KCNIP1: variants seen among roughly 807,000 people sequenced by gnomAD.
KCNIP1 encodes the protein A-type potassium channel modulatory protein KCNIP1.
KCNIP1 carries 18 observed loss-of-function variants against 33.0 expected under a neutral mutation model. The ratio of observed to expected loss-of-function variants is 0.55; its 90% confidence interval spans 0.38 to 0.81. KCNIP1 has a LOEUF of 0.81. Among genes scored for constraint, KCNIP1 ranks in the 30% least tolerant of loss-of-function variants. The pLI is 0.00. For synonymous variants in KCNIP1, 93 were observed against 98.3 expected (o/e 0.95, Z 0.32); for missense variants, 238 against 271.6 (o/e 0.88, Z 0.87).
intron 1 of KCNIP1, among the ~76,000 whole-genome samples, chr5:170,439,294 A>G (rs1040709851): frequency 1.2e-4 from 19 of 152,308 alleles, no homozygotes; most frequent in African/African-American, 4.3e-4. Flanking sequence ...CCAGATGCAA[A>G]TAAGAAGGAA....
intron 1 of KCNIP1, among the ~76,000 whole-genome samples, chr5:170,587,421 C>CAAAAAAAAAAAAAAAAAAAAA (rs56358014): frequency 2.4e-4 from 17 of 70,336 alleles, no homozygotes; most frequent in Non-Finnish European, 4.4e-4. Context: ...GACTCTGTCT[C>CAAAAAAAAAAAAAAAAAAAAA]AAAAAAAAAA....
Position 170,480,284 on chromosome 5 carries a change from G to A in KCNIP1, c.88+126320G>A, listed in dbSNP as rs56107344. Among the ~76,000 whole-genome samples the A allele has an allele frequency of 3.3e-3, 503 of 152,274 alleles. 3 individuals are homozygous for A. The highest frequency in any genetic ancestry group is 0.012 in the African/African-American group (479 of 41,562). ...ATACAAATTTCTTTCAGAACCAAAAGAAAAATAATCTCAGGCCAGCCAGCT... is the reference window on the plus strand; with the variant it reads ...ATACAAATTTCTTTCAGAACCAAAAAAAAAATAATCTCAGGCCAGCCAGCT... On this transcript the variant is annotated intron_variant, in intron 1 of 7. Transcript: ENST00000377360.
At chr5:170,476,002 C>T (rs1167626963) in intron 1 of KCNIP1, among the ~76,000 whole-genome samples, 1 of 151,310 alleles carries the variant, frequency 6.6e-6, no homozygotes, top group Non-Finnish European at 1.5e-5. Flanking sequence ...CAGGGTCTCA[C>T]TCTGTCACCC....
intron 1 of KCNIP1, among the ~76,000 whole-genome samples, chr5:170,444,555 C>T (rs1011521101): frequency 3.3e-5 from 5 of 152,092 alleles, no homozygotes; most frequent in African/African-American, 1.2e-4. Context: ...GATGAGGATG[C>T]GGATGTCTTT....
intron 1 of KCNIP1, among the ~76,000 whole-genome samples, chr5:170,699,482 T>C (rs962495532): frequency 6.6e-6 from 1 of 150,520 alleles, no homozygotes; most frequent in South Asian, 2.1e-4. Context: ...TTCCCCCTTT[T>C]AATGACAACT....
chr5:170,605,922 G>A (rs1487942826), intron 1 of KCNIP1, among the ~76,000 whole-genome samples: 6 of 152,070 alleles, frequency 3.9e-5, no homozygotes, highest in East Asian at 3.9e-4. Flanking sequence ...TTACAGGCAC[G>A]TACCACCACA....
At chr5:170,435,138 G>A (rs1755831674) in intron 1 of KCNIP1, among the ~76,000 whole-genome samples, 1 of 152,196 alleles carries the variant, frequency 6.6e-6, no homozygotes, top group South Asian at 2.1e-4. Context: ...CCAGGGAGCC[G>A]GCCCTGGCCA....
At chr5:170,485,437 G>A (rs565050812) in intron 1 of KCNIP1, among the ~76,000 whole-genome samples, 1 of 152,326 alleles carries the variant, frequency 6.6e-6, no homozygotes. Context: ...TGTGGACGGG[G>A]AGGGTGGCTG....
chr5:170,558,933 C>T (rs1321951565), intron 1 of KCNIP1, among the ~76,000 whole-genome samples: 2 of 152,206 alleles, frequency 1.3e-5, no homozygotes, highest in Admixed American at 1.3e-4. Flanking sequence ...TATCACCTCC[C>T]AGGGCCTCAG....
intron 1 of KCNIP1, among the ~76,000 whole-genome samples, chr5:170,467,917 C>CAAAAAA (rs55671124): frequency 3.1e-4 from 13 of 41,886 alleles, no homozygotes; most frequent in African/African-American, 6.1e-4. Flanking sequence ...GATTCCATCT[C>CAAAAAA]AAAAAAAAAA....
chr5:170,625,493 C>T (rs377380662), intron 1 of KCNIP1, among the ~76,000 whole-genome samples: 8 of 152,190 alleles, frequency 5.3e-5, no homozygotes, highest in Non-Finnish European at 8.8e-5. Context: ...CCTGCGGGGG[C>T]GCCCCTCTAT....
At chr5:170,359,663 A>G (rs2113284520) in intron 1 of KCNIP1, among the ~76,000 whole-genome samples, 1 of 152,262 alleles carries the variant, frequency 6.6e-6, no homozygotes, top group Non-Finnish European at 1.5e-5. Context: ...TCCAGCCCCA[A>G]GCTAGAGCCT....
At chr5:170,602,997 G>A (rs778188628) in intron 1 of KCNIP1, among the ~76,000 whole-genome samples, 11 of 152,194 alleles carry the variant, frequency 7.2e-5, no homozygotes, top group East Asian at 1.9e-4. Context: ...GAGAAGTCCC[G>A]GGTGCCCCCA....
At chr5:170,562,435 G>A (rs1481742417) in intron 1 of KCNIP1, among the ~76,000 whole-genome samples, 1 of 152,198 alleles carries the variant, frequency 6.6e-6, no homozygotes, top group Non-Finnish European at 1.5e-5. Flanking sequence ...CTTGTCCACT[G>A]CTGTGTTCCC....
At chr5:170,410,309 G>T (rs945285800) in intron 1 of KCNIP1, among the ~76,000 whole-genome samples, 2 of 151,036 alleles carry the variant, frequency 1.3e-5, no homozygotes, top group African/African-American at 2.4e-5. Flanking sequence ...TCAGGAGATC[G>T]CAGACACAGT....
upstream of KCNIP1, among the ~76,000 whole-genome samples, chr5:170,503,757 CACACACAT>C (rs1298140886): frequency 3.3e-4 from 43 of 131,058 alleles, no homozygotes; most frequent in African/African-American, 9.4e-4. Context: ...CACACACACA[CACACACAT>C]ACACACACAC....
intron 1 of KCNIP1, among the ~76,000 whole-genome samples, chr5:170,381,611 A>G (rs573720399): frequency 6.6e-6 from 1 of 152,320 alleles, no homozygotes; most frequent in Non-Finnish European, 1.5e-5. Flanking sequence ...GCAGCCTGCT[A>G]TCAGCACCAC....
chr5:170,693,258 G>C (rs150048878), intron 1 of KCNIP1, among the ~76,000 whole-genome samples: 1 of 151,744 alleles, frequency 6.6e-6, no homozygotes, highest in South Asian at 2.1e-4. Flanking sequence ...CCATCCCCCC[G>C]ACACACACAC....
intron 1 of KCNIP1, among the ~76,000 whole-genome samples, chr5:170,537,978 C>T (rs1756059138): frequency 1.3e-5 from 2 of 152,242 alleles, no homozygotes; most frequent in South Asian, 4.1e-4. Flanking sequence ...CCTTCAGGCA[C>T]TTAAAGCAGG....
Sources: gnomAD v4.1 joint callset for allele counts (sites outside exome capture counted in the v4.1 genomes callset) on GRCh38, gnomAD v4.1.1 for gene constraint, MANE v1.5 for transcripts, NCBI Gene and HGNC (gene_info 2026-07-23, HGNC 2026-07-21) for gene names.